ADGRB2: variants seen among roughly 807,000 people sequenced by gnomAD.
The protein encoded by ADGRB2 is brain-specific angiogenesis inhibitor 2.
A neutral mutation model predicts 178.7 loss-of-function variants in ADGRB2; 47 were observed. That is an observed-to-expected ratio of 0.26 (90% CI 0.21 to 0.34). The LOEUF (loss-of-function observed/expected upper bound fraction) is 0.34. Among genes scored for constraint, ADGRB2 ranks in the 10% least tolerant of loss-of-function variants. The pLI is 1.00. For synonymous variants in ADGRB2, 870 were observed against 912.4 expected, an observed-to-expected ratio of 0.95 and a Z score of 0.84; for missense variants, 1,584 against 2,180.8, an observed-to-expected ratio of 0.73 and a Z score of 5.45.
Position 31,735,739 on chromosome 1 carries a change from G to A in ADGRB2, c.3268-74C>T. 2 of 1,576,124 alleles carry A rather than the reference G, an allele frequency of 1.3e-6. No homozygotes were observed. The highest frequency in any genetic ancestry group is 1.7e-6 in the Non-Finnish European group (2 of 1,155,866). On this transcript the variant is annotated intron_variant, in intron 23 of 32. Transcript: ENST00000373658. The surrounding 1 kb of genome is among the most constrained non-coding windows in gnomAD (Gnocchi z 6.0). ...CTCCTGGCAGGGAAATCCCCATGTG[G>A]GAGCTGGAGCGCAGGGAGGAGGTAG...
rs919275745 is a variant in ADGRB2, at chr1:31,733,151, G to A, written c.3453-8C>T. 1.3e-6 allele frequency: 2 copies of A among 1,569,278 alleles called. No homozygotes were observed. Among genetic ancestry groups the A allele is most frequent in the African/African-American group, 1.4e-5 (1 of 73,930 alleles). On this transcript the variant is annotated splice_region_variant and splice_polypyrimidine_tract_variant and intron_variant, in intron 25 of 32. Coordinates refer to ENST00000373658, the MANE Select transcript of ADGRB2 (RefSeq NM_001364857.2). This position sits in a 1 kb window ranked among gnomAD's most constrained non-coding sequence, Gnocchi z 4.3. ...GAGCTCCAGAGTGAGGCCCTGAGGG[G>A]ACAGTGGCAGAGCCCATCAGAGTGA...
chr1:31,751,081 G>A (rs1449386532), intron 4 of ADGRB2, among the ~76,000 whole-genome samples: 3 of 152,156 alleles, frequency 2.0e-5, no homozygotes, highest in Non-Finnish European at 4.4e-5. Flanking sequence ...AGGCCCCAGT[G>A]TCCTGGGATG....
intron 4 of ADGRB2, among the ~76,000 whole-genome samples, chr1:31,749,400 G>A (rs1479906355): frequency 1.3e-5 from 2 of 152,240 alleles, no homozygotes; most frequent in Non-Finnish European, 2.9e-5. Flanking sequence ...AAGCCATATG[G>A]ACCTGTGGAA....
At position 31,736,402 on chromosome 1, in the gene ADGRB2, G is replaced by A. The variant is rs755475522; in HGVS notation, c.3131-12C>T. On this transcript the variant is annotated splice_polypyrimidine_tract_variant and intron_variant, in intron 21 of 32. Transcript: ENST00000373658. ...CAGGGCAGGCAGACCTGGGGGAGCA[G>A]GGGTGCCAGAGTGAGATGGTTGCTG... The A allele has an allele frequency of 6.2e-7, 1 of 1,613,782 alleles. No individual in the cohort carries two copies. The highest frequency in any genetic ancestry group is 8.5e-7 in the Non-Finnish European group (1 of 1,179,892).
rs936602648 is a variant in ADGRB2, at chr1:31,744,540, C to T, written c.922+108G>A. Reference sequence around the variant, plus strand: ...CCACAAGCTTCATGTGGCACAGACGCGACTGAACTGCAGGACAGAGACAGA... The same window carrying T: ...CCACAAGCTTCATGTGGCACAGACGTGACTGAACTGCAGGACAGAGACAGA... On this transcript the variant is annotated intron_variant, in intron 5 of 32. Coordinates refer to ENST00000373658, the MANE Select transcript of ADGRB2 (RefSeq NM_001364857.2). This position sits in a 1 kb window ranked among gnomAD's most constrained non-coding sequence, Gnocchi z 6.7. 21 of 1,465,870 alleles carry T rather than the reference C, an allele frequency of 1.4e-5. No homozygotes were observed. Among genetic ancestry groups the T allele is most frequent in the South Asian group, 6.1e-5 (5 of 82,036 alleles). The allele number at this position is 1,465,870 out of a possible 1,614,324, so 90.8% of individuals were successfully genotyped here. A position where few individuals can be genotyped will look rare whatever the true frequency, so the allele number is the denominator to read the frequency against.
chr1:31,747,853 G>C (rs1323530514), intron 4 of ADGRB2, among the ~76,000 whole-genome samples: 1 of 152,220 alleles, frequency 6.6e-6, no homozygotes, highest in African/African-American at 2.4e-5. Context: ...CACAGCACCA[G>C]CATTCAGATT....
At position 31,759,239 on chromosome 1, in the gene ADGRB2, TAAC is replaced by T; in HGVS notation, c.-190-1731_-190-1729del. On this transcript the variant is annotated intron_variant, in intron 1 of 32. Coordinates refer to ENST00000373658, the MANE Select transcript of ADGRB2 (RefSeq NM_001364857.2). This position sits in a 1 kb window ranked among gnomAD's most constrained non-coding sequence, Gnocchi z 4.3. ...CATGCTGTCACACACACTCAGGAGT[TAAC>T]ACGCACACACAGGGGTGTAGAGGCT... 1.3e-6 allele frequency: 1 copy of T among 769,818 alleles called. No homozygotes were observed. Among genetic ancestry groups the T allele is most frequent in the East Asian group, 2.4e-5 (1 of 41,044 alleles). The allele number at this position is 769,818 out of a possible 1,614,324, so 47.7% of individuals were successfully genotyped here.
At position 31,741,831 on chromosome 1, in the gene ADGRB2, C is replaced by A; in HGVS notation, c.1554G>T (p.Glu518Asp). The A allele has an allele frequency of 6.2e-7, 1 of 1,600,396 alleles. No homozygotes were observed. Among genetic ancestry groups the A allele is most frequent in the South Asian group, 1.1e-5 (1 of 89,630 alleles). Reference protein sequence around the residue: ...QGYPCEGTGEEVKPCSEKRCP... With the variant: ...QGYPCEGTGEDVKPCSEKRCP... ...ACCTCTTCTCACTACAAGGCTTCAC[C>A]TCCTCTCCGGTGCCCTCGCAGGGGT... Residue 518 changes from glutamate to aspartate, a missense_variant, in exon 9 of 33, where the codon GAG becomes GAT. Around this residue, in one of 3 missense-constraint regions of ADGRB2, gnomAD observed 657 missense variants for 847.6 expected, o/e 0.78. Transcript: ENST00000373658. This position sits in a 1 kb window ranked among gnomAD's most constrained non-coding sequence, Gnocchi z 6.5.
At chr1:31,734,023 CAG>C (rs1231514561) in intron 25 of ADGRB2, among the ~76,000 whole-genome samples, 2 of 152,200 alleles carry the variant, frequency 1.3e-5, no homozygotes, top group African/African-American at 4.8e-5. Flanking sequence ...CACCATTCCG[CAG>C]AGACAGCCGG....
At chr1:31,752,615 A>G (rs1646632795) in intron 4 of ADGRB2, among the ~76,000 whole-genome samples, 1 of 152,156 alleles carries the variant, frequency 6.6e-6, no homozygotes, top group Non-Finnish European at 1.5e-5. Flanking sequence ...CTGGATAACC[A>G]AGGGCAAACA....
In ADGRB2 at chr1:31,727,771, C is replaced by A; in HGVS notation, c.4573-166G>T. The A allele has an allele frequency of 2.3e-6, 2 of 885,666 alleles. No individual in the cohort carries two copies. The highest frequency in any genetic ancestry group is 3.3e-6 in the Non-Finnish European group (2 of 602,912). The allele number at this position is 885,666 out of a possible 1,614,324, so 54.9% of individuals were successfully genotyped here. On this transcript the variant is annotated intron_variant, in intron 32 of 32. Coordinates refer to ENST00000373658, the MANE Select transcript of ADGRB2 (RefSeq NM_001364857.2). The surrounding 1 kb of genome is among the most constrained non-coding windows in gnomAD (Gnocchi z 4.4). Reference sequence around the variant, plus strand: ...AGACCTGCCTGGTTCCAGGGTGGGGCTCCTGACCCCTGTTCTCAGTGGCCC... The same window carrying A: ...AGACCTGCCTGGTTCCAGGGTGGGGATCCTGACCCCTGTTCTCAGTGGCCC...
chr1:31,730,217 T>C (rs915864508), intron 29 of ADGRB2, among the ~76,000 whole-genome samples: 16 of 152,016 alleles, frequency 1.1e-4, no homozygotes, highest in Non-Finnish European at 2.1e-4. Context: ...CCCGGAGGGG[T>C]TTGCTTTTCT....
Position 31,740,413 on chromosome 1 carries a change from G to A in ADGRB2, c.1923C>T (p.Asp641=). 1 of 1,614,082 alleles carries A rather than the reference G, an allele frequency of 6.2e-7. No homozygotes were observed. The highest frequency in any genetic ancestry group is 8.5e-7 in the Non-Finnish European group (1 of 1,179,994). The change falls in exon 12 of 33, where the codon GAC becomes GAT. Residue 641 remains aspartate (D), a synonymous_variant. Transcript: ENST00000373658. The surrounding 1 kb of genome is among the most constrained non-coding windows in gnomAD (Gnocchi z 5.9). The part of the protein sequence containing the change: ...YYSGDLLFSV[D]ILRNVTDTFK... ...AGGTGTCAGTGACATTCCTCAGAAT[G>A]TCCACAGAGAAGAGCAGGTCCCCAC...
chr1:31,735,536 G>A lies in ADGRB2; in HGVS notation c.3353+44C>T, dbSNP rs1464471161. On this transcript the variant is annotated intron_variant, in intron 24 of 32. Coordinates refer to ENST00000373658, the MANE Select transcript of ADGRB2 (RefSeq NM_001364857.2). The surrounding 1 kb of genome is among the most constrained non-coding windows in gnomAD (Gnocchi z 6.0). ...AGAGCACCCATGTCCCTCCCTCCCT[G>A]CACCATTTCCAGAAAGGCCAAGTCT... 1.2e-5 allele frequency: 19 copies of A among 1,594,342 alleles called. No homozygotes were observed. Among genetic ancestry groups the A allele is most frequent in the Non-Finnish European group, 1.6e-5 (19 of 1,163,072 alleles).
intron 14 of ADGRB2, 88 bp from the exon 15 acceptor site, chr1:31,739,723 C>G: frequency 1.4e-6 from 2 of 1,432,192 alleles, no homozygotes; most frequent in Non-Finnish European, 9.5e-7. Flanking sequence ...GTAGGGGAAA[C>G]ACGTACCAGG....
At position 31,756,377 on chromosome 1, in the gene ADGRB2, C is replaced by T. The variant is rs1312019971; in HGVS notation, c.460G>A (p.Asp154Asn). The change falls in exon 4 of 33, where the codon GAC becomes AAC. Residue 154 changes from aspartate (D) to asparagine (N), a missense_variant. Transcript: ENST00000373658. The surrounding 1 kb of genome is among the most constrained non-coding windows in gnomAD (Gnocchi z 8.5). ...AGGCACAGCTGCACGAAGTTCTTGT[C>T]GAAGTGCAGGAAGGTAAAGGGGCCT... ...GSGPFTFLHF[D>N]KNFVQLCLSA... The T allele has an allele frequency of 4.3e-6, 7 of 1,612,974 alleles. No individual in the cohort carries two copies. The East Asian group carries it at 1.1e-4, about 26-fold the overall frequency.
intron 22 of ADGRB2, 30 bp downstream of exon 22, chr1:31,736,291 G>A (rs758872394): frequency 1.9e-5 from 31 of 1,611,226 alleles, no homozygotes; most frequent in Non-Finnish European, 2.2e-5. Flanking sequence ...TCCACTACCC[G>A]CTACCACCCA....
chr1:31,730,980 G>C lies in ADGRB2; in HGVS notation c.4200C>G (p.Ser1400=). The C allele has an allele frequency of 6.4e-7, 1 of 1,565,744 alleles. No individual in the cohort carries two copies. Among genetic ancestry groups the C allele is most frequent in the Non-Finnish European group, 8.7e-7 (1 of 1,152,442 alleles). Residue 1400 remains serine (S), a synonymous_variant, in exon 29 of 33, where the codon TCC becomes TCG. Transcript: ENST00000373658. ...AHTEGYPSFL[S]VDHSGLGLGP... Reference sequence around the variant, plus strand: ...CCAGCCCCAGGCCCGAGTGGTCCACGGACAGGAAGCTGGGGTAGCCTTCAG... The same window carrying C: ...CCAGCCCCAGGCCCGAGTGGTCCACCGACAGGAAGCTGGGGTAGCCTTCAG...
At chr1:31,743,033 C>A (rs760999570) in intron 6 of ADGRB2, 31 bp from the exon 7 acceptor site, 7 of 1,379,576 alleles carry the variant, frequency 5.1e-6, no homozygotes, top group Non-Finnish European at 9.4e-7. Flanking sequence ...GGTGGCTGGG[C>A]GGCACCATGG....
Sources: allele counts gnomAD v4.1 joint callset (sites outside exome capture counted in the v4.1 genomes callset), GRCh38; gene constraint gnomAD v4.1.1; regional missense constraint gnomAD v4.1.1; non-coding constraint Gnocchi (gnomAD v3.1); transcripts MANE v1.5; gene names NCBI Gene and HGNC (gene_info 2026-07-23, HGNC 2026-07-21).